The following LUZP2 variants were observed in gnomAD, a reference collection of about 807,000 sequenced individuals.
The protein encoded by LUZP2 is leucine zipper protein 2.
Under a neutral mutation model 51.6 loss-of-function variants are expected in LUZP2, and 52 were observed. The ratio of observed to expected loss-of-function variants is 1.01; its 90% CI spans 0.81 to 1.27. The LOEUF is 1.27. Ranked by LOEUF, LUZP2 falls within the 50% of genes most tolerant of loss-of-function variation. The pLI, the probability that LUZP2 is intolerant of heterozygous loss-of-function variation, is 0.00. For missense variants in LUZP2, 436 were observed against 395.4 expected (o/e 1.10, Z -0.87); for synonymous variants, 154 against 137.3 (o/e 1.12, Z -0.85).
At chr11:24,722,661 T>A (rs957158012) in intron 1 of LUZP2, among the ~76,000 whole-genome samples, 3 of 152,156 alleles carry the variant, frequency 2.0e-5, no homozygotes, top group African/African-American at 7.2e-5. Context: ...TTCATTCTTG[T>A]AATCCCAGCA....
intron 7 of LUZP2, among the ~76,000 whole-genome samples, chr11:24,948,820 CTATCATCT>C (rs1407030088): frequency 1.7e-5 from 1 of 59,768 alleles, no homozygotes; most frequent in Non-Finnish European, 5.3e-5. Flanking sequence ...ATCTATCTAT[CTATCATCT>C]ATCTATCTAT....
In LUZP2 at chr11:24,718,506, G is replaced by T. The variant is rs553332909; in HGVS notation, c.63-10663G>T. Among the ~76,000 whole-genome samples, 5 of 152,290 alleles carry T rather than the reference G, an allele frequency of 3.3e-5. No homozygotes were observed. The South Asian group carries it at 1.0e-3, about 32-fold the overall frequency. ...GTCATCCATGAATCTTATCTAGCTC[G>T]TATGGCAAGGACAGTATTTTGCATT... On this transcript the variant is annotated intron_variant, in intron 1 of 11. Transcript: ENST00000336930.
At chr11:24,654,009 G>T (rs1045555082) in intron 1 of LUZP2, among the ~76,000 whole-genome samples, 5 of 152,174 alleles carry the variant, frequency 3.3e-5, no homozygotes, top group African/African-American at 9.7e-5. Flanking sequence ...ATTGGAGTTT[G>T]AATAAAGACT....
chr11:24,502,229 A>C (rs2133752304), intron 1 of LUZP2, among the ~76,000 whole-genome samples: 1 of 152,304 alleles, frequency 6.6e-6, no homozygotes, highest in South Asian at 2.1e-4. Context: ...AGAAAAAAGA[A>C]AAAATATAGA....
chr11:25,002,910 C>A (rs1053763737), intron 9 of LUZP2, among the ~76,000 whole-genome samples: 1 of 152,024 alleles, frequency 6.6e-6, no homozygotes, highest in East Asian at 1.9e-4. Context: ...AGCCTGGCTA[C>A]CTTGCTGTAT....
At chr11:24,642,121 CT>C (rs1855309261) in intron 1 of LUZP2, among the ~76,000 whole-genome samples, 1 of 151,744 alleles carries the variant, frequency 6.6e-6, no homozygotes, top group African/African-American at 2.4e-5. Flanking sequence ...ATCTCTTGAC[CT>C]CATGATCCAC....
At chr11:24,556,533 G>T (rs1851874695) in intron 1 of LUZP2, among the ~76,000 whole-genome samples, 1 of 152,136 alleles carries the variant, frequency 6.6e-6, no homozygotes, top group African/African-American at 2.4e-5. Flanking sequence ...TTCATGAAGG[G>T]TGTGGTATAT....
intron 7 of LUZP2, among the ~76,000 whole-genome samples, chr11:24,922,053 TA>T (rs1250249782): frequency 6.6e-6 from 1 of 150,490 alleles, no homozygotes; most frequent in African/African-American, 2.5e-5. Flanking sequence ...GGATATTAAT[TA>T]TTTTTTTTTT....
rs57668112 is a variant in LUZP2 at position 25,040,343 on chromosome 11, A to ATTTTTTTTTTTTTTTT, written c.766-9690_766-9675dup. 8.0e-3 allele frequency among the ~76,000 whole-genome samples: 793 copies of ATTTTTTTTTTTTTTTT among 98,768 alleles called. 211 individuals carry two copies. Among genetic ancestry groups the ATTTTTTTTTTTTTTTT allele is most frequent in the African/African-American group, 0.038 (658 of 17,178 alleles). 64.8% of individuals were successfully genotyped at this position (98,768 alleles called of 152,430 possible). A position where few individuals can be genotyped will look rare whatever the true frequency, so the allele number is the denominator to read the frequency against. ...AGAGAGCCACTTTTCTTTCTTTCCG[A>ATTTTTTTTTTTTTTTT]TTTTTTTTTTTTTTTTTTTTGCCAA... On this transcript the variant is annotated intron_variant, in intron 9 of 11. Coordinates refer to ENST00000336930, the MANE Select transcript of LUZP2 (RefSeq NM_001009909.4).
At chr11:24,545,077 ATG>A (rs1851496875) in intron 1 of LUZP2, among the ~76,000 whole-genome samples, 1 of 151,766 alleles carries the variant, frequency 6.6e-6, no homozygotes, top group Non-Finnish European at 1.5e-5. Context: ...GGGCACATGT[ATG>A]TCTTCTTTTG....
At chr11:24,977,276 A>G (rs1855905818) in intron 8 of LUZP2, among the ~76,000 whole-genome samples, 1 of 151,686 alleles carries the variant, frequency 6.6e-6, no homozygotes, top group African/African-American at 2.4e-5. Context: ...GTGTTTTATC[A>G]ATATTGATAT....
chr11:24,567,015 T>TA (rs375286421), intron 1 of LUZP2, among the ~76,000 whole-genome samples: 27,526 of 97,160 alleles, frequency 0.28, 3,243 homozygotes, highest in Middle Eastern at 0.44. Context: ...TATATATATA[T>TA]TTTTTTTAGT....
chr11:24,955,798 A>G (rs1855195498), intron 7 of LUZP2, among the ~76,000 whole-genome samples: 1 of 152,082 alleles, frequency 6.6e-6, no homozygotes, highest in Non-Finnish European at 1.5e-5. Flanking sequence ...TAATATTGTG[A>G]CAAACTATTT....
intron 5 of LUZP2, among the ~76,000 whole-genome samples, chr11:24,834,806 C>G (rs1347387767): frequency 6.6e-6 from 1 of 152,178 alleles, no homozygotes; most frequent in African/African-American, 2.4e-5. Context: ...GAGATGGTAT[C>G]TCATTGTGGT....
intron 5 of LUZP2, among the ~76,000 whole-genome samples, chr11:24,819,454 A>G (rs1850290456): frequency 6.6e-6 from 1 of 152,040 alleles, no homozygotes; most frequent in Non-Finnish European, 1.5e-5. Context: ...TATTCCTGGG[A>G]TATTTGGATG....
At chr11:24,635,112 A>G (rs1409890491) in intron 1 of LUZP2, among the ~76,000 whole-genome samples, 1 of 152,120 alleles carries the variant, frequency 6.6e-6, no homozygotes, top group Non-Finnish European at 1.5e-5. Flanking sequence ...TGGTTACACT[A>G]AAAGTCCAGA....
intron 10 of LUZP2, among the ~76,000 whole-genome samples, chr11:25,058,021 A>C (rs1468478807): frequency 6.6e-6 from 1 of 151,590 alleles, no homozygotes; most frequent in Non-Finnish European, 1.5e-5. Flanking sequence ...ATGCTTGGTT[A>C]ACATAATTTT....
intron 5 of LUZP2, among the ~76,000 whole-genome samples, chr11:24,869,660 T>C (rs574672843): frequency 6.6e-6 from 1 of 152,224 alleles, no homozygotes; most frequent in Non-Finnish European, 1.5e-5. Context: ...ATGATATTAT[T>C]GTAAATGTTT....
At chr11:24,550,204 G>A (rs1454777750) in intron 1 of LUZP2, among the ~76,000 whole-genome samples, 1 of 151,998 alleles carries the variant, frequency 6.6e-6, no homozygotes, top group East Asian at 1.9e-4. Context: ...ATAAATGTCA[G>A]TGTGTTAGAA....
Sources: gnomAD v4.1 joint callset for allele counts (sites outside exome capture counted in the v4.1 genomes callset) on GRCh38, gnomAD v4.1.1 for gene constraint, MANE v1.5 for transcripts, NCBI Gene and HGNC (gene_info 2026-07-23, HGNC 2026-07-21) for gene names.